Variants in PPP2R2B observed in about 807,000 individuals in gnomAD.
PPP2R2B encodes the protein protein phosphatase 2 regulatory subunit Bbeta.
PPP2R2B carries 5 observed loss-of-function variants against 46.0 expected under a neutral mutation model. The observed-to-expected ratio is 0.11, with a 90% CI of 0.06 to 0.23. PPP2R2B has a LOEUF of 0.23. PPP2R2B is among the 10% of genes least tolerant of loss of function. The pLI is 1.00. For synonymous variants in PPP2R2B, 215 were observed against 206.7 expected, an observed-to-expected ratio of 1.04 and a Z score of -0.34; for missense variants, 367 against 575.0, an observed-to-expected ratio of 0.64 and a Z score of 3.70.
At position 146,850,443 on chromosome 5, in the gene PPP2R2B, G is replaced by C. The variant is rs1760275356; in HGVS notation, c.70+27559C>G. ...AAAAATGGCTCATATATTTTTGCAA[G>C]ACTCTGCAAGATGTGGCTTCTGTCT... On this transcript the variant is annotated intron_variant, in intron 2 of 9. Coordinates refer to ENST00000394411, the MANE Select transcript of PPP2R2B (RefSeq NM_181675.4). Among the ~76,000 whole-genome samples, 6 of 152,208 alleles carry C rather than the reference G, an allele frequency of 3.9e-5. No homozygotes were observed. In the South Asian group the frequency reaches 1.2e-3, roughly 32 times the overall value.
In PPP2R2B at chr5:146,941,556, A is replaced by G. The variant is rs534269343; in HGVS notation, c.79+114109T>C. 3.3e-5 allele frequency among the ~76,000 whole-genome samples: 5 copies of G among 152,292 alleles called. No homozygotes were observed. In the South Asian group the frequency reaches 1.0e-3, roughly 32 times the overall value. On this transcript the variant is annotated intron_variant, in intron 1 of 8. Coordinates refer to the PPP2R2B transcript ENST00000336640. Reference sequence around the variant, plus strand: ...ACATCAGCATTTATGTCATCTGTAGAAAAACTAAAAAACATTAGGTTGGTG... The same window carrying G: ...ACATCAGCATTTATGTCATCTGTAGGAAAACTAAAAAACATTAGGTTGGTG...
intron 2 of PPP2R2B, among the ~76,000 whole-genome samples, chr5:146,702,649 A>G (rs1779610042): frequency 6.6e-6 from 1 of 152,232 alleles, no homozygotes; most frequent in Admixed American, 6.5e-5. Flanking sequence ...TTTATGCAAA[A>G]ATCTCTTAAA....
At chr5:146,593,139 T>C (rs1440220057) in intron 8 of PPP2R2B, 77 bp from the exon 9 acceptor site, 1 of 1,184,538 alleles carries the variant, frequency 8.4e-7, no homozygotes, top group Non-Finnish European at 1.3e-6. Flanking sequence ...CCTCTTCTGA[T>C]GTGAGCTGTT....
Position 147,023,721 on chromosome 5 carries a change from G to A in PPP2R2B, c.79+31944C>T, listed in dbSNP as rs145760232. On this transcript the variant is annotated intron_variant, in intron 1 of 8. Transcript: ENST00000336640. ...AGCTGGTGAAACATTATTTCTGAGTGTGTCTGCAAGGGTGTTTCTAGAAGA... is the reference window on the plus strand; with the variant it reads ...AGCTGGTGAAACATTATTTCTGAGTATGTCTGCAAGGGTGTTTCTAGAAGA... Among the ~76,000 whole-genome samples, 877 of 152,226 alleles carry A rather than the reference G, an allele frequency of 5.8e-3. 9 individuals carry two copies. Among genetic ancestry groups the A allele is most frequent in the African/African-American group, 0.02 (833 of 41,516 alleles).
intron 1 of PPP2R2B, among the ~76,000 whole-genome samples, chr5:146,986,618 T>C (rs2151858850): frequency 6.6e-6 from 1 of 152,092 alleles, no homozygotes; most frequent in African/African-American, 2.4e-5. Context: ...ATGGATGAAT[T>C]GAAAAGTACA....
In PPP2R2B at chr5:146,830,555, C is replaced by T. The variant is rs544414764; in HGVS notation, c.70+47447G>A. ...TTTTTTTTTTTTTGAGATGGAGTCT[C>T]ACTCTGTCGCCCAGGCTGGAGTATA... On this transcript the variant is annotated intron_variant, in intron 2 of 9. Transcript: ENST00000394411. Among the ~76,000 whole-genome samples the T allele has an allele frequency of 1.1e-4, 16 of 149,954 alleles. No homozygotes were observed. The East Asian group carries it at 2.4e-3, about 22-fold the overall frequency.
At chr5:146,657,752 G>A (rs78459986) in intron 5 of PPP2R2B, among the ~76,000 whole-genome samples, 2,455 of 152,064 alleles carry the variant, frequency 0.016, 24 homozygotes, top group Middle Eastern at 0.061. Context: ...ATTATGATAC[G>A]TACAACATAA....
chr5:146,931,798 G>A (rs1008783354), intron 1 of PPP2R2B, among the ~76,000 whole-genome samples: 5 of 152,150 alleles, frequency 3.3e-5, no homozygotes, highest in Non-Finnish European at 7.4e-5. Flanking sequence ...TTTACAGTGA[G>A]TTGACTATAA....
chr5:146,764,851 C>T (rs549839569), intron 2 of PPP2R2B, among the ~76,000 whole-genome samples: 9 of 152,234 alleles, frequency 5.9e-5, no homozygotes, highest in East Asian at 3.9e-4. Context: ...CACACGCACA[C>T]GCACACGTAC....
chr5:146,606,506 C>T (rs369680489), intron 7 of PPP2R2B, among the ~76,000 whole-genome samples: 3 of 152,258 alleles, frequency 2.0e-5, no homozygotes, highest in South Asian at 4.2e-4. Flanking sequence ...AATAGTAGTA[C>T]CTATGTTCTA....
intron 2 of PPP2R2B, among the ~76,000 whole-genome samples, chr5:146,729,981 T>A (rs1752129391): frequency 6.6e-6 from 1 of 152,238 alleles, no homozygotes; most frequent in South Asian, 2.1e-4. Context: ...CTAGACCCCA[T>A]AATGGTAGAT....
chr5:146,623,135 A>AAATTTG (rs1269585938), intron 7 of PPP2R2B, among the ~76,000 whole-genome samples: 5 of 152,250 alleles, frequency 3.3e-5, no homozygotes, highest in African/African-American at 9.6e-5. Flanking sequence ...GGATTAACAC[A>AAATTTG]AATTTGTGGT....
At position 146,704,998 on chromosome 5, in the gene PPP2R2B, A is replaced by T. The variant is rs548164927; in HGVS notation, c.71-3856T>A. 5.3e-5 allele frequency among the ~76,000 whole-genome samples: 8 copies of T among 152,272 alleles called. No individual in the cohort carries two copies. The East Asian group carries it at 1.5e-3, about 29-fold the overall frequency. ...TTAGGTGATATACAACTCACATAGG[A>T]GGGTGACTGTTTTGATAAAATGGAG... On this transcript the variant is annotated intron_variant, in intron 2 of 9. Transcript: ENST00000394411.
intron 2 of PPP2R2B, among the ~76,000 whole-genome samples, chr5:146,750,374 A>T (rs540870204): frequency 2.0e-5 from 3 of 152,232 alleles, no homozygotes; most frequent in African/African-American, 7.2e-5. Flanking sequence ...AAACCTATAT[A>T]TCAATTTGGG....
chr5:146,926,413 G>A (rs144871785), intron 1 of PPP2R2B, among the ~76,000 whole-genome samples: 64 of 149,866 alleles, frequency 4.3e-4, no homozygotes, highest in African/African-American at 1.5e-3. Context: ...TTTTGTTTTC[G>A]AGACGGAGTC....
At chr5:146,731,333 G>A (rs1752216313) in intron 2 of PPP2R2B, among the ~76,000 whole-genome samples, 1 of 152,170 alleles carries the variant, frequency 6.6e-6, no homozygotes, top group East Asian at 1.9e-4. Context: ...GCAGCCTCAG[G>A]ACTCTGATGC....
chr5:147,002,095 G>C (rs1754205648), intron 1 of PPP2R2B, among the ~76,000 whole-genome samples: 1 of 152,054 alleles, frequency 6.6e-6, no homozygotes, highest in Non-Finnish European at 1.5e-5. Flanking sequence ...TCTTCTCCGA[G>C]GCTAGTCCCG....
intron 2 of PPP2R2B, among the ~76,000 whole-genome samples, chr5:146,712,153 G>A (rs1018838653): frequency 1.3e-5 from 2 of 152,150 alleles, no homozygotes; most frequent in African/African-American, 2.4e-5. Flanking sequence ...ATTATGTTAC[G>A]ATGGTTTTTC....
intron 5 of PPP2R2B, among the ~76,000 whole-genome samples, chr5:146,653,285 A>G (rs1294061702): frequency 1.1e-4 from 16 of 152,200 alleles, no homozygotes; most frequent in Admixed American, 1.0e-3. Context: ...AGTGACATAA[A>G]TTGCCAGGAG....
Sources: allele counts gnomAD v4.1 joint callset (sites outside exome capture counted in the v4.1 genomes callset), GRCh38; gene constraint gnomAD v4.1.1; transcripts MANE v1.5; gene names NCBI Gene and HGNC (gene_info 2026-07-23, HGNC 2026-07-21).